Variants in SLC6A12 observed in about 807,000 individuals in gnomAD.
SLC6A12 encodes solute carrier family 6 member 12.
SLC6A12 carries 50 observed loss-of-function variants against 73.3 expected under a neutral mutation model. The ratio of observed to expected loss-of-function variants is 0.68; its 90% CI spans 0.54 to 0.86. SLC6A12 has a LOEUF of 0.86. Ranked by LOEUF, SLC6A12 falls within the 40% of genes least tolerant of loss-of-function variation. SLC6A12 has a pLI of 0.00. For synonymous variants in SLC6A12, 304 were observed against 309.2 expected (o/e 0.98, Z 0.18); for missense variants, 648 against 772.8 (o/e 0.84, Z 1.92).
At chr12:188,480 A>C (rs1408273566), downstream of SLC6A12, among the ~76,000 whole-genome samples, 1 of 152,128 alleles carries the variant, frequency 6.6e-6, no homozygotes, top group Non-Finnish European at 1.5e-5. Flanking sequence ...CTGCAAGCTG[A>C]GGGAGCCGGC....
At chr12:197,187 A>T in intron 10 of SLC6A12, among the ~76,000 whole-genome samples, 190 bp downstream of exon 10, 1 of 56,366 alleles carries the variant, frequency 1.8e-5, no homozygotes, top group Non-Finnish European at 4.2e-5. Flanking sequence ...CCATCCATCC[A>T]TCCATCCATT....
chr12:197,755 T>C, intron 9 of SLC6A12, 145 bp downstream of exon 9: 1 of 668,454 alleles, frequency 1.5e-6, no homozygotes, highest in East Asian at 2.7e-5. Context: ...AGACATTTAG[T>C]CTGGGAAAGG....
chr12:204,213 G>T (rs9783494), intron 4 of SLC6A12: 9 of 263,790 alleles, frequency 3.4e-5, no homozygotes, highest in African/African-American at 6.6e-5. Context: ...ACAGCACCCC[G>T]GGAGCACCCA....
chr12:193,599 C>T (rs116264295), intron 13 of SLC6A12, among the ~76,000 whole-genome samples: 1 of 152,232 alleles, frequency 6.6e-6, no homozygotes, highest in Non-Finnish European at 1.5e-5. Context: ...ACTGCTGCTG[C>T]CATCTCTTGT....
intron 7 of SLC6A12, among the ~76,000 whole-genome samples, chr12:200,424 T>C (rs1439609691): frequency 6.6e-6 from 1 of 152,256 alleles, no homozygotes; most frequent in Non-Finnish European, 1.5e-5. Context: ...AATATTCTTA[T>C]GTAAACCGGA....
intron 5 of SLC6A12, among the ~76,000 whole-genome samples, chr12:202,368 C>G (rs1012159241): frequency 6.6e-6 from 1 of 152,226 alleles, no homozygotes; most frequent in African/African-American, 2.4e-5. Flanking sequence ...TACCACCAGA[C>G]TGTAAACACA....
At position 191,158 on chromosome 12, in the gene SLC6A12, A is replaced by T. The variant is rs1467117014; in HGVS notation, c.1755T>A (p.His585Gln). ...GGCCAGCACTGCCATCCAAGCAGGGATGTTGCTTGGGCTGTGGCAGACTGG... is the reference window on the plus strand; with the variant it reads ...GGCCAGCACTGCCATCCAAGCAGGGTTGTTGCTTGGGCTGTGGCAGACTGG... ...PDSSLPQPKQ[H>Q]PCLDGSAGRN... The change falls in exon 16 of 16, where the codon CAT becomes CAA. Residue 585 changes from histidine (H) to glutamine (Q), a missense_variant. Physicochemically the swap from His to Gln is conservative, Grantham distance 24. Transcript: ENST00000684302. 4 of 1,324,860 alleles carry T rather than the reference A, an allele frequency of 3.0e-6. No homozygotes were observed. Among genetic ancestry groups the T allele is most frequent in the Middle Eastern group, 2.0e-4 (1 of 5,112 alleles). The allele number at this position is 1,324,860 out of a possible 1,614,324, so 82.1% of individuals were successfully genotyped here.
chr12:186,549 C>T (rs1213791280), downstream of SLC6A12, among the ~76,000 whole-genome samples: 1 of 152,218 alleles, frequency 6.6e-6, no homozygotes, highest in Non-Finnish European at 1.5e-5. Context: ...AGGGCTGCTG[C>T]CACTAGAAGC....
At chr12:207,399 C>G (rs915513194) in intron 3 of SLC6A12, among the ~76,000 whole-genome samples, 1 of 152,216 alleles carries the variant, frequency 6.6e-6, no homozygotes, top group Non-Finnish European at 1.5e-5. Flanking sequence ...TGGGAACTTC[C>G]TAAAGTTCTC....
chr12:186,589 G>A (rs1035301474), downstream of SLC6A12, among the ~76,000 whole-genome samples: 17 of 152,136 alleles, frequency 1.1e-4, no homozygotes, highest in African/African-American at 3.8e-4. Flanking sequence ...ACATTTCCAC[G>A]CAGTGTATTC....
intron 3 of SLC6A12, among the ~76,000 whole-genome samples, chr12:209,544 G>A (rs1940816206): frequency 6.6e-6 from 1 of 152,176 alleles, no homozygotes; most frequent in Non-Finnish European, 1.5e-5. Flanking sequence ...TCTTGGTCCT[G>A]CCCATTGCCC....
At chr12:187,589 CAAAAAAAAAAAA>C (rs761187495), downstream of SLC6A12, among the ~76,000 whole-genome samples, 25 of 106,044 alleles carry the variant, frequency 2.4e-4, no homozygotes, top group Admixed American at 1.0e-3. Context: ...TGCAAAAGAG[CAAAAAAAAAAAA>C]AAAAAAAAAA....
intron 7 of SLC6A12, 192 bp from the exon 8 acceptor site, chr12:199,123 G>A (rs1240205977): frequency 3.0e-6 from 1 of 336,710 alleles, no homozygotes; most frequent in African/African-American, 2.2e-5. Flanking sequence ...CCCAGGGTGT[G>A]AGATACACAT....
chr12:196,686 G>A, intron 11 of SLC6A12, 84 bp downstream of exon 11: 1 of 935,990 alleles, frequency 1.1e-6, no homozygotes, highest in Non-Finnish European at 1.7e-6. Context: ...AGGGGAGTGG[G>A]AGTGAGGGGA....
rs1939567720 is a variant in SLC6A12, at chr12:190,943, G to T, written c.*125C>A. Reference sequence around the variant, plus strand: ...GTCTGGCCTCCAGCTGGGGGTGCCTGTGGCTCTCCAGAGGTTCCCAGCAGG... The same window carrying T: ...GTCTGGCCTCCAGCTGGGGGTGCCTTTGGCTCTCCAGAGGTTCCCAGCAGG... On this transcript the variant is annotated 3_prime_UTR_variant, in exon 16 of 16. Coordinates refer to ENST00000684302, the MANE Select transcript of SLC6A12 (RefSeq NM_001122848.3). The T allele has an allele frequency of 3.6e-6, 3 of 836,224 alleles. No individual in the cohort carries two copies. Among genetic ancestry groups the T allele is most frequent in the Non-Finnish European group, 4.8e-6 (3 of 624,642 alleles). The allele number at this position is 836,224 out of a possible 1,614,324, so 51.8% of individuals were successfully genotyped here.
chr12:196,225 C>T lies in SLC6A12; in HGVS notation c.1225G>A (p.Asp409Asn). 1.2e-6 allele frequency: 2 copies of T among 1,603,850 alleles called. No homozygotes were observed. Among genetic ancestry groups the T allele is most frequent in the Non-Finnish European group, 1.7e-6 (2 of 1,176,500 alleles). Residue 409 changes from aspartate (D) to asparagine (N), a missense_variant, in exon 12 of 16, where the codon GAC (aspartate) becomes AAC (asparagine). Transcript: ENST00000684302. ...CVECLVTASI[D>N]MFPRQLRKSG... ...TTCCGGAGCTGCCTGGGGAACATGT[C>T]TATGGAGGCTGTCACCAGGCACTCC...
In SLC6A12 at chr12:195,296, T is replaced by C. The variant is rs1181888178; in HGVS notation, c.1358A>G (p.Tyr453Cys). The C allele has an allele frequency of 1.9e-6, 3 of 1,613,180 alleles. No individual in the cohort carries two copies. The highest frequency in any genetic ancestry group is 2.5e-6 in the Non-Finnish European group (3 of 1,179,256). ...CAGGCATATGCCACTGGAAGCATAG[T>C]AGTCAAACAGCTGGAAGATGTACAT... ...GGMYIFQLFD[Y>C]YASSGICLLF... The change falls in exon 13 of 16, where the codon TAC becomes TGC. Residue 453 changes from tyrosine to cysteine, a missense_variant. By Grantham distance (194) the Tyr-to-Cys change is radical. Transcript: ENST00000684302.
At chr12:199,844 C>G (rs559896424) in intron 7 of SLC6A12, 1 of 152,260 alleles carries the variant, frequency 6.6e-6, no homozygotes, top group South Asian at 2.1e-4. Flanking sequence ...GGAAACTCGC[C>G]ACCTCAAAGA....
the SLC6A12 span, among the ~76,000 whole-genome samples, chr12:184,514 G>A: frequency 6.6e-6 from 1 of 152,128 alleles, no homozygotes; most frequent in East Asian, 1.9e-4. Flanking sequence ...ACTTTGGGAG[G>A]CCGAGGCGGG....
Sources: gnomAD v4.1 joint callset for allele counts (sites outside exome capture counted in the v4.1 genomes callset) on GRCh38, gnomAD v4.1.1 for gene constraint, MANE v1.5 for transcripts, NCBI Gene and HGNC (gene_info 2026-07-23, HGNC 2026-07-21) for gene names.